The following PRRC2B variants were observed in gnomAD, a reference collection of about 807,000 sequenced individuals.
PRRC2B encodes protein PRRC2B.
In PRRC2B, 68 loss-of-function variants were observed where a neutral mutation model predicts 242.3. The observed-to-expected ratio is 0.28, with a 90% confidence interval of 0.23 to 0.34. The LOEUF is 0.34. Among genes scored for constraint, PRRC2B ranks in the 10% least tolerant of loss-of-function variants. PRRC2B has a pLI of 1.00. For synonymous variants in PRRC2B, 1,228 were observed against 1,173.6 expected, an observed-to-expected ratio of 1.05 and a Z score of -0.95; for missense variants, 2,835 against 2,954.8, an observed-to-expected ratio of 0.96 and a Z score of 0.94.
chr9:131,483,462 A>G lies in PRRC2B; in HGVS notation c.5460+17A>G, dbSNP rs973204441. The G allele has an allele frequency of 6.2e-7, 1 of 1,610,908 alleles. No individual in the cohort carries two copies. Among genetic ancestry groups the G allele is most frequent in the Non-Finnish European group, 8.5e-7 (1 of 1,177,436 alleles). ...GCCAGTAATGTAAGTCCACACTTCC[A>G]CTTTTGGCTCCACTCACTGCTTGGG... On this transcript the variant is annotated intron_variant, in intron 23 of 31. Transcript: ENST00000683519.
chr9:131,499,816 C>T lies in PRRC2B; in HGVS notation c.*3942C>T, dbSNP rs568769071. ...CGTGATCTAAAGGGGACACTGTACT[C>T]AAGCTTTTGACCTCATGCCTTGTGT... is the stretch of plus-strand genomic sequence containing the variant. On this transcript the variant is annotated 3_prime_UTR_variant, in exon 32 of 32. Coordinates refer to ENST00000683519, the MANE Select transcript of PRRC2B (RefSeq NM_013318.4). The T allele has an allele frequency of 1.6e-4, 25 of 152,322 alleles. No individual in the cohort carries two copies. The highest frequency in any genetic ancestry group is 6.0e-4 in the African/African-American group (25 of 41,570). The allele number at this position is 152,322 out of a possible 1,614,324, so 9.4% of individuals were successfully genotyped here.
intron 16 of PRRC2B, among the ~76,000 whole-genome samples, chr9:131,476,982 A>T (rs1943722330): frequency 6.6e-6 from 1 of 152,106 alleles, no homozygotes; most frequent in Non-Finnish European, 1.5e-5. Flanking sequence ...CTGCTTCTCC[A>T]CTGTGAGGAG....
rs142340075 is a variant in PRRC2B at position 131,399,946 on chromosome 9, G to A, written c.-52+5683G>A. Among the ~76,000 whole-genome samples the A allele has an allele frequency of 1.2e-3, 182 of 152,284 alleles. 1 individual carries two copies. Among genetic ancestry groups the A allele is most frequent in the African/African-American group, 3.4e-3 (140 of 41,560 alleles). ...CTCGGCATGTTAAGTCTTGGTCCAC[G>A]TGGCTGATTATCTCCCATAAGTGGA... On this transcript the variant is annotated intron_variant, in intron 1 of 31. Transcript: ENST00000683519.
chr9:131,447,615 T>C (rs777506794), intron 8 of PRRC2B, 47 bp from the exon 9 acceptor site: 3 of 1,490,990 alleles, frequency 2.0e-6, no homozygotes, highest in South Asian at 1.3e-5. Context: ...TTGATTTTGC[T>C]TCCGTCTGTA....
In PRRC2B at chr9:131,467,205, G is replaced by T. The variant is rs1015827519; in HGVS notation, c.1721-358G>T. 2.0e-5 allele frequency among the ~76,000 whole-genome samples: 3 copies of T among 152,200 alleles called. No individual in the cohort carries two copies. The South Asian group carries it at 6.2e-4, about 32-fold the overall frequency. On this transcript the variant is annotated intron_variant, in intron 12 of 31. Transcript: ENST00000683519. ...CCGCCTCAGCCTCCCAAAGTGCTGGGATTACAGGTGTGAGCCACTGCACCC... is the reference window on the plus strand; with the variant it reads ...CCGCCTCAGCCTCCCAAAGTGCTGGTATTACAGGTGTGAGCCACTGCACCC...
chr9:131,449,291 T>G (rs1564287523), intron 9 of PRRC2B, among the ~76,000 whole-genome samples: 2 of 152,192 alleles, frequency 1.3e-5, no homozygotes, highest in Non-Finnish European at 2.9e-5. Flanking sequence ...CCCTGGTGGT[T>G]GTGCCATTTT....
rs1838849091 is a variant in PRRC2B, at chr9:131,447,705, A to G, written c.1021A>G (p.Arg341Gly). The G allele has an allele frequency of 1.9e-6, 3 of 1,612,900 alleles. No homozygotes were observed. The highest frequency in any genetic ancestry group is 2.5e-6 in the Non-Finnish European group (3 of 1,179,422). ...LGLSRPLRPL[R>G]QLVERAPRPT... ...ATTGTCTCGCCCACTCCGCCCACTA[A>G]GGCAGCTGGTGGAGCGGGCACCACG... Residue 341 changes from arginine to glycine, a missense_variant, in exon 9 of 32, where the codon AGG becomes GGG. By Grantham distance (125) the Arg-to-Gly change is moderately radical. Transcript: ENST00000683519.
intron 30 of PRRC2B, 132 bp downstream of exon 30, chr9:131,492,392 T>G: frequency 1.5e-6 from 1 of 667,148 alleles, no homozygotes. Flanking sequence ...CATGTGTCAC[T>G]GTGGTGTTTC....
At chr9:131,463,265 T>C (rs1428789796) in intron 11 of PRRC2B, among the ~76,000 whole-genome samples, 2 of 152,238 alleles carry the variant, frequency 1.3e-5, no homozygotes, top group Non-Finnish European at 2.9e-5. Context: ...CTCTGGCTTA[T>C]GAGAAGTTAA....
chr9:131,423,307 C>T (rs569727788), intron 1 of PRRC2B, among the ~76,000 whole-genome samples: 5 of 152,328 alleles, frequency 3.3e-5, no homozygotes, highest in South Asian at 2.1e-4. Flanking sequence ...TTGCCTCAGC[C>T]GGCTTCCTGC....
rs144635906 is a variant in PRRC2B, at chr9:131,491,181, G to C, written c.6226-244G>C. 315 of 458,160 alleles carry C rather than the reference G, an allele frequency of 6.9e-4. 3 individuals carry two copies. Among genetic ancestry groups the C allele is most frequent in the African/African-American group, 5.8e-3 (287 of 49,196 alleles). 28.4% of individuals were successfully genotyped at this position (458,160 alleles called of 1,614,324 possible). On this transcript the variant is annotated intron_variant, in intron 28 of 31. Transcript: ENST00000683519. Reference sequence around the variant, plus strand: ...CCATGCCTGCAGCCAGCTTAGTCTTGCCCGTTTTCTCACCACCTACTCTAT... The same window carrying C: ...CCATGCCTGCAGCCAGCTTAGTCTTCCCCGTTTTCTCACCACCTACTCTAT...
At chr9:131,414,744 A>T (rs113431650) in intron 1 of PRRC2B, among the ~76,000 whole-genome samples, 2 of 151,542 alleles carry the variant, frequency 1.3e-5, no homozygotes, top group African/African-American at 4.8e-5. Flanking sequence ...TGATTTTTGT[A>T]TTTTTAGTAG....
chr9:131,459,697 C>G (rs534791241), intron 11 of PRRC2B, among the ~76,000 whole-genome samples: 1 of 151,712 alleles, frequency 6.6e-6, no homozygotes, highest in South Asian at 2.1e-4. Context: ...GCTGCCACAC[C>G]TGGCTCATTT....
At chr9:131,431,821 C>T (rs1042470388) in intron 2 of PRRC2B, among the ~76,000 whole-genome samples, 1 of 144,308 alleles carries the variant, frequency 6.9e-6, no homozygotes, top group Non-Finnish European at 1.5e-5. Context: ...CTCCTGACCT[C>T]GTGATCCGCC....
Position 131,497,427 on chromosome 9 carries a change from C to T in PRRC2B, c.*1553C>T, listed in dbSNP as rs951789547. 2.0e-5 allele frequency: 3 copies of T among 152,190 alleles called. No homozygotes were observed. The highest frequency in any genetic ancestry group is 4.8e-5 in the African/African-American group (2 of 41,452). The allele number at this position is 152,190 out of a possible 1,614,324, so 9.4% of individuals were successfully genotyped here. On this transcript the variant is annotated 3_prime_UTR_variant, in exon 32 of 32. Coordinates refer to ENST00000683519, the MANE Select transcript of PRRC2B (RefSeq NM_013318.4). ...GTTCTTAGGGGTCACTGAGCGTCTA[C>T]CTCCTCCTCCAGAGGAGGCTGGCTC...
intron 14 of PRRC2B, among the ~76,000 whole-genome samples, chr9:131,472,172 T>G (rs548263686): frequency 6.6e-6 from 1 of 152,224 alleles, no homozygotes; most frequent in African/African-American, 2.4e-5. Context: ...CAATTTTTAC[T>G]GTTAGCCTCT....
upstream of PRRC2B, among the ~76,000 whole-genome samples, chr9:131,393,203 A>G (rs1465762819): frequency 6.6e-6 from 1 of 152,170 alleles, no homozygotes; most frequent in African/African-American, 2.4e-5. Flanking sequence ...GGATTAAGTG[A>G]GACAAACCAC....
In PRRC2B at chr9:131,455,173, A is replaced by G; in HGVS notation, c.1211+7A>G. The G allele has an allele frequency of 6.2e-7, 1 of 1,604,252 alleles. No homozygotes were observed. Among genetic ancestry groups the G allele is most frequent in the African/African-American group, 1.3e-5 (1 of 74,796 alleles). The stretch of plus-strand genomic sequence containing the variant: ...AGGACGGCAGGCCAAAGTGGTAAGG[A>G]CCCGTTCCTGCCCTATCAGCATGAG... On this transcript the variant is annotated splice_region_variant and intron_variant, in intron 10 of 31. Transcript: ENST00000683519.
chr9:131,394,847 C>T (rs1276469931), intron 1 of PRRC2B, among the ~76,000 whole-genome samples: 1 of 151,968 alleles, frequency 6.6e-6, no homozygotes, highest in Non-Finnish European at 1.5e-5. Flanking sequence ...AGCGGCCGCC[C>T]AGTCTCGGTG....
Sources: allele counts gnomAD v4.1 joint callset (sites outside exome capture counted in the v4.1 genomes callset), GRCh38; gene constraint gnomAD v4.1.1; transcripts MANE v1.5; gene names NCBI Gene and HGNC (gene_info 2026-07-23, HGNC 2026-07-21).